Variants in FAF1 observed in about 807,000 individuals in gnomAD.
FAF1 encodes the protein Fas associated factor 1, also known as FAS-associated factor 1.
Under a neutral mutation model 92.5 loss-of-function variants are expected in FAF1, and 25 were observed. The ratio of observed to expected loss-of-function variants is 0.27; its 90% CI spans 0.20 to 0.38. The LOEUF (loss-of-function observed/expected upper bound fraction) is 0.38, where lower values mean the gene tolerates loss of function less well. Among genes scored for constraint, FAF1 ranks in the 10% least tolerant of loss-of-function variants. The pLI is 1.00. For missense variants in FAF1, 636 were observed against 793.3 expected (o/e 0.80, Z 2.38); for synonymous variants, 234 against 273.2 (o/e 0.86, Z 1.42).
At chr1:50,853,678 T>A (rs1056055173) in intron 2 of FAF1, among the ~76,000 whole-genome samples, 2 of 152,082 alleles carry the variant, frequency 1.3e-5, no homozygotes, top group African/African-American at 4.8e-5. Flanking sequence ...CAAGTATATG[T>A]CAGATATCTT....
intron 1 of FAF1, among the ~76,000 whole-genome samples, chr1:50,938,085 T>C (rs2124750866): frequency 6.6e-6 from 1 of 152,350 alleles, no homozygotes; most frequent in African/African-American, 2.4e-5. Flanking sequence ...CTCCATGATA[T>C]ACCCATCTGT....
chr1:50,582,622 C>T lies in FAF1; in HGVS notation c.1109G>A (p.Arg370Gln), dbSNP rs1262039388. Residue 370 changes from arginine to glutamine, a missense_variant, in exon 12 of 19, where the codon CGA becomes CAA. This residue lies in a region of FAF1 where 319 missense variants were observed against 451.0 expected (regional missense o/e 0.71). Coordinates refer to ENST00000396153, the MANE Select transcript of FAF1 (RefSeq NM_007051.3). ...AFQEAFYVKA[R>Q]DRKLLAIYLH... ...AAAAGGTCAAACTGTACTTACATCT[C>T]GGGCTTTCACATAGAAGGCCTCTTG... is the stretch of plus-strand genomic sequence containing the variant. 9 of 1,606,340 alleles carry T rather than the reference C, an allele frequency of 5.6e-6. No individual in the cohort carries two copies. Among genetic ancestry groups the T allele is most frequent in the South Asian group, 2.2e-5 (2 of 90,850 alleles).
chr1:50,808,653 G>C (rs1168420076), intron 2 of FAF1, among the ~76,000 whole-genome samples: 1 of 139,820 alleles, frequency 7.2e-6, no homozygotes, highest in East Asian at 2.2e-4. Context: ...AATCAATAAA[G>C]ATTTAAAAAA....
intron 15 of FAF1, among the ~76,000 whole-genome samples, chr1:50,533,999 AT>A (rs1648326981): frequency 6.6e-6 from 1 of 152,154 alleles, no homozygotes. Flanking sequence ...TCTGTGCTAG[AT>A]TATCTGCCAT....
intron 15 of FAF1, among the ~76,000 whole-genome samples, chr1:50,534,833 T>C (rs754513648): frequency 2.6e-5 from 4 of 152,232 alleles, no homozygotes; most frequent in Non-Finnish European, 4.4e-5. Flanking sequence ...TGAGGTTCTA[T>C]GTTCATGTTA....
rs1453342841 is a variant in FAF1 at position 50,952,799 on chromosome 1, CCCG to C, written c.45+6965_45+6967del. ...GTGAGGAGCATCTCTGCCCGGCCGC[CCCG>C]TCTGGGAAGCGAGGAGCCCCTCCGC... is the stretch of plus-strand genomic sequence containing the variant. On this transcript the variant is annotated intron_variant, in intron 1 of 18. Coordinates refer to ENST00000396153, the MANE Select transcript of FAF1 (RefSeq NM_007051.3). 3.3e-5 allele frequency among the ~76,000 whole-genome samples: 5 copies of C among 152,000 alleles called. No individual in the cohort carries two copies. The East Asian group carries it at 7.7e-4, about 24-fold the overall frequency.
At chr1:50,907,626 G>A (rs1044228221) in intron 1 of FAF1, among the ~76,000 whole-genome samples, 4 of 152,122 alleles carry the variant, frequency 2.6e-5, no homozygotes, top group African/African-American at 9.7e-5. Flanking sequence ...ATGTGTCAAG[G>A]AATTTATCCA....
At chr1:50,839,657 G>T (rs999766740) in intron 2 of FAF1, among the ~76,000 whole-genome samples, 2 of 152,070 alleles carry the variant, frequency 1.3e-5, no homozygotes, top group Non-Finnish European at 2.9e-5. Flanking sequence ...TATCAAGATG[G>T]CTAACGAACC....
chr1:50,565,522 G>A (rs1005302018), intron 13 of FAF1, among the ~76,000 whole-genome samples: 4 of 151,952 alleles, frequency 2.6e-5, no homozygotes, highest in Non-Finnish European at 5.9e-5. Context: ...AGCTTCTGTC[G>A]CTTTGGTCAC....
In FAF1 at chr1:50,700,898, A is replaced by C. The variant is rs898611714; in HGVS notation, c.657+4888T>G. On this transcript the variant is annotated intron_variant, in intron 7 of 18. Coordinates refer to ENST00000396153, the MANE Select transcript of FAF1 (RefSeq NM_007051.3). Reference sequence around the variant, plus strand: ...TCAGTTCCAAAGAGCTGCATTATAAATATTAAATTTATTACTTCAGGGGAT... The same window carrying C: ...TCAGTTCCAAAGAGCTGCATTATAACTATTAAATTTATTACTTCAGGGGAT... Among the ~76,000 whole-genome samples, 21 of 152,242 alleles carry C rather than the reference A, an allele frequency of 1.4e-4. 1 individual carries two copies. The highest frequency in any genetic ancestry group is 5.1e-4 in the African/African-American group (21 of 41,570).
intron 13 of FAF1, among the ~76,000 whole-genome samples, chr1:50,558,278 A>G (rs1649692322): frequency 6.6e-6 from 1 of 151,980 alleles, no homozygotes; most frequent in South Asian, 2.1e-4. Flanking sequence ...ATGTGTCATT[A>G]GATTACTCAT....
At chr1:50,931,389 A>C (rs116647844) in intron 1 of FAF1, among the ~76,000 whole-genome samples, 1,575 of 152,318 alleles carry the variant, frequency 0.01, 27 homozygotes, top group African/African-American at 0.036. Flanking sequence ...AGACACACCC[A>C]AAACTGGAAA....
chr1:50,950,048 C>T (rs1001286848), intron 1 of FAF1, among the ~76,000 whole-genome samples: 3 of 151,954 alleles, frequency 2.0e-5, no homozygotes, highest in Admixed American at 6.6e-5. Context: ...GTTATGTTGC[C>T]CAAGCTGATC....
intron 1 of FAF1, among the ~76,000 whole-genome samples, chr1:50,920,871 T>A (rs1644956932): frequency 6.6e-6 from 1 of 152,188 alleles, no homozygotes; most frequent in South Asian, 2.1e-4. Flanking sequence ...ATGTAAAGAA[T>A]GTTTGCTGTC....
intron 2 of FAF1, among the ~76,000 whole-genome samples, chr1:50,837,747 C>CA (rs1553145219): frequency 2.8e-5 from 4 of 141,536 alleles, no homozygotes; most frequent in African/African-American, 5.2e-5. Context: ...GGGGAAGCTC[C>CA]TTTTTTTTTT....
chr1:50,585,868 C>G (rs966804178), intron 9 of FAF1, among the ~76,000 whole-genome samples: 1 of 137,632 alleles, frequency 7.3e-6, no homozygotes, highest in African/African-American at 2.7e-5. Flanking sequence ...ATGGCCAGAT[C>G]TCATCTCTAC....
At chr1:50,492,909 A>T (rs1351126018) in intron 15 of FAF1, among the ~76,000 whole-genome samples, 5 of 152,216 alleles carry the variant, frequency 3.3e-5, no homozygotes, top group African/African-American at 1.2e-4. Flanking sequence ...CTAATCTTTC[A>T]AATAAAAATT....
intron 1 of FAF1, among the ~76,000 whole-genome samples, chr1:50,858,693 T>C (rs1434313583): frequency 6.6e-6 from 1 of 151,892 alleles, no homozygotes; most frequent in African/African-American, 2.4e-5. Context: ...TTTTACCCCT[T>C]TAACATAAAT....
chr1:50,517,453 G>A (rs1006547906), intron 15 of FAF1, among the ~76,000 whole-genome samples: 2 of 152,078 alleles, frequency 1.3e-5, no homozygotes, highest in African/African-American at 4.8e-5. Flanking sequence ...AGCAATAATA[G>A]ATACTTTTAT....
Sources: gnomAD v4.1 joint callset for allele counts (sites outside exome capture counted in the v4.1 genomes callset) on GRCh38, gnomAD v4.1.1 for gene constraint, gnomAD v4.1.1 regional missense constraint, MANE v1.5 for transcripts, NCBI Gene and HGNC (gene_info 2026-07-23, HGNC 2026-07-21) for gene names.